The following CLPTM1 variants were observed in gnomAD, a reference collection of about 807,000 sequenced individuals.
CLPTM1 encodes putative lipid scramblase CLPTM1.
A neutral mutation model predicts 77.3 loss-of-function variants in CLPTM1; 21 were observed. The observed-to-expected ratio is 0.27, with a 90% CI of 0.19 to 0.39. CLPTM1 has a LOEUF of 0.39. CLPTM1 is among the 10% of genes least tolerant of loss of function. The pLI is 1.00. For missense variants in CLPTM1, 642 were observed against 921.2 expected (o/e 0.70, Z 3.92); for synonymous variants, 373 against 381.0 (o/e 0.98, Z 0.24).
At position 44,960,200 on chromosome 19, in the gene CLPTM1, G is replaced by A. The variant is rs979430460; in HGVS notation, c.73-1763G>A. Among the ~76,000 whole-genome samples, 4 of 152,120 alleles carry A rather than the reference G, an allele frequency of 2.6e-5. No homozygotes were observed. The East Asian group carries it at 7.7e-4, about 29-fold the overall frequency. On this transcript the variant is annotated intron_variant, in intron 1 of 13. Transcript: ENST00000337392. The stretch of plus-strand genomic sequence containing the variant: ...CTCAGCCTAAGGGTCTCACCCAGAC[G>A]ACCCAGACGTCAAAGGGAGCTCCTC...
At chr19:44,955,650 C>T (rs551758194) in intron 1 of CLPTM1, 183 bp downstream of exon 1, 17 of 529,304 alleles carry the variant, frequency 3.2e-5, no homozygotes, top group African/African-American at 3.1e-4. Context: ...GGAACAGGGC[C>T]CTGTTGCGGG....
intron 1 of CLPTM1, among the ~76,000 whole-genome samples, chr19:44,959,275 G>C: frequency 6.6e-6 from 1 of 151,798 alleles, no homozygotes; most frequent in Non-Finnish European, 1.5e-5. Context: ...GCTCAGGCTG[G>C]TCTCGAACTC....
chr19:44,958,458 G>A (rs185484260), intron 1 of CLPTM1, among the ~76,000 whole-genome samples: 2 of 150,742 alleles, frequency 1.3e-5, no homozygotes, highest in East Asian at 1.9e-4. Context: ...TGCAACCTCC[G>A]TCTCCTGGGT....
chr19:44,985,170 G>A, intron 5 of CLPTM1, 48 bp from the exon 6 acceptor site: 2 of 1,425,160 alleles, frequency 1.4e-6, no homozygotes, highest in South Asian at 2.3e-5. Context: ...GGAGGCTGCA[G>A]GTGCCAGCAG....
At position 44,961,240 on chromosome 19, in the gene CLPTM1, T is replaced by A. The variant is rs369028815; in HGVS notation, c.73-723T>A. 6.6e-5 allele frequency among the ~76,000 whole-genome samples: 10 copies of A among 152,280 alleles called. No homozygotes were observed. The East Asian group carries it at 9.6e-4, about 15-fold the overall frequency. On this transcript the variant is annotated intron_variant, in intron 1 of 13. Transcript: ENST00000337392. ...ACAGACATGTCTTGTGGCCGTGGCT[T>A]ATGGTAGCAGCTGATAGTCTGGTTG...
chr19:44,978,232 C>G (rs370068778), intron 5 of CLPTM1, among the ~76,000 whole-genome samples: 111 of 152,122 alleles, frequency 7.3e-4, no homozygotes, highest in African/African-American at 2.6e-3. Flanking sequence ...CGGTGAAACC[C>G]CGTCTCTACT....
intron 1 of CLPTM1, among the ~76,000 whole-genome samples, chr19:44,956,397 C>T (rs181323706): frequency 6.6e-6 from 1 of 152,274 alleles, no homozygotes. Flanking sequence ...AGAGAGGAGA[C>T]TGACATGTAA....
intron 5 of CLPTM1, 121 bp from the exon 6 acceptor site, chr19:44,985,097 G>A (rs543547770): frequency 3.0e-6 from 2 of 659,098 alleles, no homozygotes; most frequent in East Asian, 5.5e-5. Flanking sequence ...ATCTCAGCAG[G>A]TGAGTGCAAG....
chr19:44,967,008 A>C (rs1317148406), intron 2 of CLPTM1, among the ~76,000 whole-genome samples: 1 of 152,016 alleles, frequency 6.6e-6, no homozygotes, highest in Non-Finnish European at 1.5e-5. Context: ...CGCCCGGCTA[A>C]TTTTTTGTAT....
Position 44,992,426 on chromosome 19 carries a change from CTCCCA to C in CLPTM1, c.1723+27_1723+31del. The C allele has an allele frequency of 6.2e-7, 1 of 1,613,342 alleles. No homozygotes were observed. The highest frequency in any genetic ancestry group is 8.5e-7 in the Non-Finnish European group (1 of 1,179,556). Reference sequence around the variant, plus strand: ...GTGAGGCCCGGTGGGCAGGTGGGAGCTCCCACCGGAACAGGGCCCTGAGGCAGTCT... The same window carrying C: ...GTGAGGCCCGGTGGGCAGGTGGGAGCCCGGAACAGGGCCCTGAGGCAGTCT... On this transcript the variant is annotated intron_variant, in intron 13 of 13. Coordinates refer to ENST00000337392, the MANE Select transcript of CLPTM1 (RefSeq NM_001294.4). The surrounding 1 kb of genome is among the most constrained non-coding windows in gnomAD (Gnocchi z 7.7).
chr19:44,956,279 T>C (rs560470702), intron 1 of CLPTM1, among the ~76,000 whole-genome samples: 55 of 152,312 alleles, frequency 3.6e-4, no homozygotes, highest in African/African-American at 1.2e-3. Context: ...GCTGACTCTC[T>C]GTGTGACCTT....
In CLPTM1 at chr19:44,993,271, C is replaced by T. The variant is rs1600053211; in HGVS notation, c.*374C>T. 5 of 461,318 alleles carry T rather than the reference C, an allele frequency of 1.1e-5. No homozygotes were observed. Among genetic ancestry groups the T allele is most frequent in the South Asian group, 1.7e-5 (1 of 57,564 alleles). The allele number at this position is 461,318 out of a possible 1,614,324, so 28.6% of individuals were successfully genotyped here. A position where few individuals can be genotyped will look rare whatever the true frequency, so the allele number is the denominator to read the frequency against. The stretch of plus-strand genomic sequence containing the variant: ...GTCCCTCGTCCCCCTACCACACTCC[C>T]CCTCCTAGACCGCCGCCCTTTAACA... On this transcript the variant is annotated 3_prime_UTR_variant, in exon 14 of 14. Coordinates refer to ENST00000337392, the MANE Select transcript of CLPTM1 (RefSeq NM_001294.4).
At chr19:44,971,151 T>G (rs1970711963) in intron 2 of CLPTM1, among the ~76,000 whole-genome samples, 1 of 152,150 alleles carries the variant, frequency 6.6e-6, no homozygotes, top group Non-Finnish European at 1.5e-5. Flanking sequence ...TACTTTAGGA[T>G]TCCCACTTTC....
Position 44,991,279 on chromosome 19 carries a change from G to A in CLPTM1, c.1461G>A (p.Leu487=). The A allele has an allele frequency of 6.2e-7, 1 of 1,614,076 alleles. No homozygotes were observed. Among genetic ancestry groups the A allele is most frequent in the Non-Finnish European group, 8.5e-7 (1 of 1,179,966 alleles). ...TGTCCTGGATCCTCTTCCCGCTCCT[G>A]GGCTGCTATGCCGTCTACAGTCTTC... ...RYLSWILFPL[L]GCYAVYSLLY... The change falls in exon 12 of 14, where the codon CTG becomes CTA. Residue 487 remains leucine (L), a synonymous_variant. Coordinates refer to ENST00000337392, the MANE Select transcript of CLPTM1 (RefSeq NM_001294.4). The surrounding 1 kb of genome is among the most constrained non-coding windows in gnomAD (Gnocchi z 5.4).
Position 44,990,628 on chromosome 19 carries a change from G to T in CLPTM1, c.1323+43G>T. On this transcript the variant is annotated intron_variant, in intron 10 of 13. Coordinates refer to ENST00000337392, the MANE Select transcript of CLPTM1 (RefSeq NM_001294.4). The surrounding 1 kb of genome is among the most constrained non-coding windows in gnomAD (Gnocchi z 4.8). ...TGCTGTCTCGGGAGCTGCAGGGGTT[G>T]GGAGGGGGTAGTGTGGCCCAGCTGG... 1 of 1,600,402 alleles carries T rather than the reference G, an allele frequency of 6.2e-7. No homozygotes were observed. The highest frequency in any genetic ancestry group is 1.1e-5 in the South Asian group (1 of 90,370).
Position 44,972,802 on chromosome 19 carries a change from GA to G in CLPTM1, c.186-284del, listed in dbSNP as rs566755557. On this transcript the variant is annotated intron_variant, in intron 2 of 13. Transcript: ENST00000337392. The stretch of plus-strand genomic sequence containing the variant: ...GCCCCTGCAGCCCTGTGGTCACCAG[GA>G]GCTCCTGCAGGATTTAGAGTCAAGG... Among the ~76,000 whole-genome samples the G allele has an allele frequency of 2.2e-4, 33 of 152,056 alleles. No individual in the cohort carries two copies. The South Asian group carries it at 2.9e-3, about 13-fold the overall frequency.
chr19:44,983,343 G>A (rs566294170), intron 5 of CLPTM1, among the ~76,000 whole-genome samples: 33 of 152,096 alleles, frequency 2.2e-4, no homozygotes, highest in Non-Finnish European at 2.4e-4. Context: ...AAAAGTCCCC[G>A]GGCTCAGTGG....
At chr19:44,955,817 T>G (rs1287185494) in intron 1 of CLPTM1, 1 of 248,472 alleles carries the variant, frequency 4.0e-6, no homozygotes, top group Non-Finnish European at 7.7e-6. Flanking sequence ...GGTCTGGCGT[T>G]CAGGTCTCGT....
At chr19:44,973,358 C>G (rs2122279933) in intron 3 of CLPTM1, 148 bp downstream of exon 3, 1 of 1,028,334 alleles carries the variant, frequency 9.7e-7, no homozygotes, top group East Asian at 2.7e-5. Context: ...GAACTCTGGG[C>G]CCATCCCCAA....
Sources: allele counts gnomAD v4.1 joint callset (sites outside exome capture counted in the v4.1 genomes callset), GRCh38; gene constraint gnomAD v4.1.1; non-coding constraint Gnocchi (gnomAD v3.1); transcripts MANE v1.5; gene names NCBI Gene and HGNC (gene_info 2026-07-23, HGNC 2026-07-21).